Variants in STARD13 observed in about 807,000 individuals in gnomAD.
The protein encoded by STARD13 is stAR-related lipid transfer protein 13.
A neutral mutation model predicts 106.4 loss-of-function variants in STARD13; 62 were observed. The observed-to-expected ratio is 0.58, with a 90% CI of 0.48 to 0.72. The LOEUF (loss-of-function observed/expected upper bound fraction) is 0.72, where lower values mean the gene tolerates loss of function less well. STARD13 is among the 30% of genes least tolerant of loss of function. STARD13 has a pLI of 0.00. For synonymous variants in STARD13, 565 were observed against 553.0 expected (o/e 1.02, Z -0.31); for missense variants, 1,387 against 1,424.0 (o/e 0.97, Z 0.42).
the STARD13 span, among the ~76,000 whole-genome samples, chr13:33,537,787 T>G: frequency 2.6e-5 from 4 of 152,118 alleles, no homozygotes; most frequent in African/African-American, 4.8e-5. Context: ...GTACCAAAGG[T>G]GACAGACTGA....
chr13:33,439,640 C>G, the STARD13 span: 1 of 1,050,998 alleles, frequency 9.5e-7, no homozygotes, highest in Non-Finnish European at 1.3e-6. Flanking sequence ...GCAAAGCTCT[C>G]CAAACAACTT....
chr13:33,179,387 G>A (rs532614895), intron 1 of STARD13, among the ~76,000 whole-genome samples: 23 of 152,262 alleles, frequency 1.5e-4, no homozygotes, highest in Non-Finnish European at 2.6e-4. Context: ...GAGGGTTGCC[G>A]TAAAGATTAA....
chr13:33,508,002 C>T, the STARD13 span, among the ~76,000 whole-genome samples: 4 of 152,092 alleles, frequency 2.6e-5, no homozygotes, highest in South Asian at 6.2e-4. Flanking sequence ...AGTTCAAGCC[C>T]GTGTTGTGCA....
the STARD13 span, among the ~76,000 whole-genome samples, chr13:33,526,642 C>T: frequency 6.6e-6 from 1 of 152,058 alleles, no homozygotes; most frequent in Non-Finnish European, 1.5e-5. Flanking sequence ...AGACTACAGA[C>T]TACTTACTTT....
chr13:33,108,293 C>T (rs528371627), intron 12 of STARD13, among the ~76,000 whole-genome samples: 2 of 152,316 alleles, frequency 1.3e-5, no homozygotes, highest in East Asian at 3.9e-4. Context: ...TCACTTTCCA[C>T]CTCCTTGTAT....
intron 1 of STARD13, among the ~76,000 whole-genome samples, chr13:33,250,157 A>C (rs1360821729): frequency 1.3e-5 from 2 of 152,076 alleles, no homozygotes; most frequent in Non-Finnish European, 2.9e-5. Context: ...CCTCAATCAG[A>C]CTAAAAGAGC....
chr13:33,480,772 T>C, the STARD13 span, among the ~76,000 whole-genome samples: 1 of 152,112 alleles, frequency 6.6e-6, no homozygotes, highest in African/African-American at 2.4e-5. Flanking sequence ...AAATCCCCAG[T>C]TGTGGTTTCA....
chr13:33,463,661 G>A, the STARD13 span, among the ~76,000 whole-genome samples: 1 of 152,282 alleles, frequency 6.6e-6, no homozygotes, highest in Admixed American at 6.5e-5. Flanking sequence ...TCTGGAGTGT[G>A]CTAACCCCAC....
At chr13:33,229,152 C>CT (rs1399823548) in intron 1 of STARD13, among the ~76,000 whole-genome samples, 1 of 152,136 alleles carries the variant, frequency 6.6e-6, no homozygotes, top group Non-Finnish European at 1.5e-5. Context: ...CATACTCAAT[C>CT]TAAAAGGCAT....
intron 1 of STARD13, among the ~76,000 whole-genome samples, chr13:33,175,891 T>C (rs1368778456): frequency 1.3e-5 from 2 of 152,244 alleles, no homozygotes; most frequent in Non-Finnish European, 2.9e-5. Flanking sequence ...TATCTGCTGT[T>C]TGATTTGCTC....
At chr13:33,230,278 C>T (rs1043220102) in intron 1 of STARD13, among the ~76,000 whole-genome samples, 11 of 152,212 alleles carry the variant, frequency 7.2e-5, no homozygotes, top group African/African-American at 2.7e-4. Flanking sequence ...ACGCTCTTGA[C>T]TTCTAAACCT....
chr13:33,609,105 A>AAG, the STARD13 span, among the ~76,000 whole-genome samples: 1,584 of 133,132 alleles, frequency 0.012, 54 homozygotes, highest in Middle Eastern at 0.039. Context: ...AAAAAAAAAA[A>AAG]AAATATTGAT....
At chr13:33,604,091 T>A in the STARD13 span, among the ~76,000 whole-genome samples, 1 of 152,094 alleles carries the variant, frequency 6.6e-6, no homozygotes, top group Non-Finnish European at 1.5e-5. Context: ...AAAATTAAAT[T>A]GACAGATTAA....
the STARD13 span, among the ~76,000 whole-genome samples, chr13:33,609,896 C>T: frequency 3.3e-5 from 5 of 152,132 alleles, no homozygotes; most frequent in East Asian, 1.9e-4. Context: ...AGGGTCTACT[C>T]CCATATACAC....
At chr13:33,107,134 C>T (rs577340671) in intron 12 of STARD13, among the ~76,000 whole-genome samples, 200 bp from the exon 13 acceptor site, 17 of 152,320 alleles carry the variant, frequency 1.1e-4, no homozygotes, top group African/African-American at 4.1e-4. Flanking sequence ...GATCTCAGCT[C>T]TGGGACTGTG....
At chr13:33,214,633 C>T (rs979832566) in intron 1 of STARD13, among the ~76,000 whole-genome samples, 9 of 151,934 alleles carry the variant, frequency 5.9e-5, no homozygotes, top group African/African-American at 2.2e-4. Flanking sequence ...TAATAAATCC[C>T]AGATTTTCTT....
chr13:33,659,424 C>T, the STARD13 span, among the ~76,000 whole-genome samples: 1 of 152,102 alleles, frequency 6.6e-6, no homozygotes, highest in Non-Finnish European at 1.5e-5. Context: ...TCATGTTGGC[C>T]AGGATGGTCT....
chr13:33,615,369 C>G, the STARD13 span, among the ~76,000 whole-genome samples: 3 of 152,194 alleles, frequency 2.0e-5, no homozygotes, highest in Non-Finnish European at 1.5e-5. Flanking sequence ...GTTGCTGATA[C>G]TCAGAGGAAA....
intron 7 of STARD13, among the ~76,000 whole-genome samples, chr13:33,125,717 G>A (rs1454820608): frequency 1.3e-5 from 2 of 152,078 alleles, no homozygotes; most frequent in Admixed American, 1.3e-4. Context: ...AAATAATAGG[G>A]ATAAAAGAAC....
Sources: gnomAD v4.1 joint callset for allele counts (sites outside exome capture counted in the v4.1 genomes callset) on GRCh38, gnomAD v4.1.1 for gene constraint, MANE v1.5 for transcripts, NCBI Gene and HGNC (gene_info 2026-07-23, HGNC 2026-07-21) for gene names.